The following SLC25A33 variants were observed in gnomAD, a reference collection of about 807,000 sequenced individuals.
SLC25A33 encodes the protein bone marrow stromal cell mitochondrial carrier protein.
A neutral mutation model predicts 35.5 loss-of-function variants in SLC25A33; 15 were observed. The observed-to-expected ratio is 0.42, with a 90% confidence interval of 0.28 to 0.65. SLC25A33 has a LOEUF of 0.65. Among genes scored for constraint, SLC25A33 ranks in the 30% least tolerant of loss-of-function variants. The pLI, the probability that SLC25A33 is intolerant of heterozygous loss-of-function variation, is 0.20. For missense variants in SLC25A33, 257 were observed against 398.5 expected (o/e 0.64, Z 3.02); for synonymous variants, 136 against 148.7 (o/e 0.91, Z 0.62).
At position 9,583,719 on chromosome 1, in the gene SLC25A33, TA is replaced by T. The variant is rs113218549; in HGVS notation, c.*1232del. 412 of 142,862 alleles carry T rather than the reference TA, an allele frequency of 2.9e-3. No homozygotes were observed. The highest frequency in any genetic ancestry group is 7.1e-3 in the Middle Eastern group (2 of 280). 8.8% of individuals were successfully genotyped at this position (142,862 alleles called of 1,614,324 possible). ...TTGTTTAAATATCCTAGTTCAACAT[TA>T]AAAAAAAAAAAAATTTAATCCCAGC... On this transcript the variant is annotated 3_prime_UTR_variant, in exon 7 of 7. Coordinates refer to ENST00000302692, the MANE Select transcript of SLC25A33 (RefSeq NM_032315.3).
intron 1 of SLC25A33, among the ~76,000 whole-genome samples, chr1:9,551,953 A>G (rs1056537615): frequency 1.5e-4 from 23 of 152,232 alleles, no homozygotes; most frequent in African/African-American, 5.5e-4. Flanking sequence ...AATTATAACT[A>G]GCCCATCGAA....
chr1:9,551,283 C>T (rs1487923673), intron 1 of SLC25A33, among the ~76,000 whole-genome samples: 2 of 152,064 alleles, frequency 1.3e-5, no homozygotes, highest in African/African-American at 2.4e-5. Flanking sequence ...TGAGGCATGA[C>T]AATTGCTTGA....
At chr1:9,551,476 A>T (rs1569847820) in intron 1 of SLC25A33, among the ~76,000 whole-genome samples, 2 of 152,194 alleles carry the variant, frequency 1.3e-5, no homozygotes, top group African/African-American at 4.8e-5. Context: ...TTGCTTCTAG[A>T]TTTCCAACAT....
At chr1:9,541,411 A>C (rs534904021) in intron 1 of SLC25A33, among the ~76,000 whole-genome samples, 19 of 152,208 alleles carry the variant, frequency 1.2e-4, no homozygotes, top group African/African-American at 4.6e-4. Flanking sequence ...GGCCTCCCAA[A>C]GTGCTGGGAT....
intron 1 of SLC25A33, among the ~76,000 whole-genome samples, chr1:9,553,328 C>G (rs536546873): frequency 2.0e-5 from 3 of 148,472 alleles, no homozygotes; most frequent in African/African-American, 7.5e-5. Flanking sequence ...GGGTTCACGC[C>G]ATTCTCCTGC....
rs546780513 is a variant in SLC25A33, at chr1:9,541,226, T to C, written c.56+1479T>C. Among the ~76,000 whole-genome samples, 15 of 150,520 alleles carry C rather than the reference T, an allele frequency of 1.0e-4. No homozygotes were observed. In the East Asian group the frequency reaches 2.9e-3, roughly 29 times the overall value. ...TGGAGTGCACTGGCGCCATCTCAGC[T>C]CACTGCAAGCTCCGCCTCCCGGGTT... On this transcript the variant is annotated intron_variant, in intron 1 of 6. Coordinates refer to ENST00000302692, the MANE Select transcript of SLC25A33 (RefSeq NM_032315.3).
chr1:9,567,838 G>A (rs1193016807), intron 3 of SLC25A33, among the ~76,000 whole-genome samples: 1 of 152,168 alleles, frequency 6.6e-6, no homozygotes, highest in Non-Finnish European at 1.5e-5. Flanking sequence ...TATCTTTGCA[G>A]GGCTTCTCCT....
intron 2 of SLC25A33, among the ~76,000 whole-genome samples, chr1:9,565,026 C>T (rs1051294557): frequency 2.6e-5 from 4 of 151,974 alleles, no homozygotes; most frequent in Admixed American, 6.6e-5. Flanking sequence ...AAAGATGTGA[C>T]GCCACTGATA....
intron 1 of SLC25A33, among the ~76,000 whole-genome samples, chr1:9,553,203 GTTTTTT>G (rs550067186): frequency 4.6e-4 from 26 of 56,498 alleles, no homozygotes; most frequent in African/African-American, 6.4e-4. Flanking sequence ...TTCTAGTTTT[GTTTTTT>G]TTTTTTTTTT....
chr1:9,542,545 T>G (rs1429876482), intron 1 of SLC25A33, among the ~76,000 whole-genome samples: 1 of 152,178 alleles, frequency 6.6e-6, no homozygotes, highest in Non-Finnish European at 1.5e-5. Context: ...ATGGCTGTAT[T>G]GTATGGTTAA....
chr1:9,549,647 GT>G (rs1161032637), intron 1 of SLC25A33, among the ~76,000 whole-genome samples: 2 of 146,222 alleles, frequency 1.4e-5, no homozygotes, highest in Non-Finnish European at 3.0e-5. Context: ...TTGATACAGA[GT>G]CTTGCTCTGT....
chr1:9,562,457 A>G (rs115450039), intron 2 of SLC25A33, among the ~76,000 whole-genome samples: 249 of 151,902 alleles, frequency 1.6e-3, no homozygotes, highest in African/African-American at 5.6e-3. Flanking sequence ...CAGAGGTTGT[A>G]TGGGATCACT....
rs114597564 is a variant in SLC25A33 at position 9,580,340 on chromosome 1, C to T, written c.763+106C>T. The T allele has an allele frequency of 4.2e-3, 5,940 of 1,401,964 alleles. 207 individuals carry two copies. In the African/African-American group the frequency reaches 0.074, roughly 18 times the overall value. The allele number at this position is 1,401,964 out of a possible 1,614,324, so 86.8% of individuals were successfully genotyped here. ...CGCACATTGAGGCGCAGGATCCCTG[C>T]AGGTAAGGTCAGTGAGTATGAGGGA... On this transcript the variant is annotated intron_variant, in intron 6 of 6. Transcript: ENST00000302692.
intron 4 of SLC25A33, among the ~76,000 whole-genome samples, chr1:9,571,742 A>G (rs535456906): frequency 1.1e-3 from 160 of 151,912 alleles, no homozygotes; most frequent in African/African-American, 3.6e-3. Flanking sequence ...GGCTCAAGCC[A>G]TCCCTCCTGC....
intron 1 of SLC25A33, among the ~76,000 whole-genome samples, chr1:9,552,383 C>G (rs1034008002): frequency 6.6e-6 from 1 of 152,022 alleles, no homozygotes; most frequent in African/African-American, 2.4e-5. Flanking sequence ...TGCCACTACA[C>G]CTGGCTAATT....
intron 2 of SLC25A33, 62 bp from the exon 3 acceptor site, chr1:9,567,222 T>G: frequency 7.2e-7 from 1 of 1,383,550 alleles, no homozygotes; most frequent in Non-Finnish European, 1.0e-6. Flanking sequence ...GGTTGACTCT[T>G]TATCATTTTT....
chr1:9,576,249 CAGATA>C (rs1484687879), intron 5 of SLC25A33, among the ~76,000 whole-genome samples: 2 of 152,256 alleles, frequency 1.3e-5, no homozygotes, highest in Admixed American at 6.5e-5. Context: ...TACAGCTTCA[CAGATA>C]AGATAATTAA....
chr1:9,569,916 A>C (rs2100402511), intron 3 of SLC25A33, among the ~76,000 whole-genome samples: 1 of 148,736 alleles, frequency 6.7e-6, no homozygotes, highest in Middle Eastern at 3.5e-3. Context: ...TTCTAGAAAC[A>C]AAAAAAAAAA....
intron 4 of SLC25A33, among the ~76,000 whole-genome samples, chr1:9,570,800 C>T (rs983454987): frequency 3.4e-5 from 5 of 149,132 alleles, no homozygotes; most frequent in Non-Finnish European, 5.9e-5. Context: ...GCAGCCTCCT[C>T]CTCCCAAGTT....
Sources: allele counts gnomAD v4.1 joint callset (sites outside exome capture counted in the v4.1 genomes callset), GRCh38; gene constraint gnomAD v4.1.1; transcripts MANE v1.5; gene names NCBI Gene and HGNC (gene_info 2026-07-23, HGNC 2026-07-21).